CDH18: variants seen among roughly 807,000 people sequenced by gnomAD.
The protein encoded by CDH18 is cadherin 18.
A neutral mutation model predicts 67.9 loss-of-function variants in CDH18; 31 were observed. The observed-to-expected ratio is 0.46, with a 90% CI of 0.34 to 0.62. The LOEUF is 0.62. CDH18 is among the 20% of genes least tolerant of loss of function. CDH18 has a pLI of 0.01. For synonymous variants in CDH18, 362 were observed against 347.2 expected (o/e 1.04, Z -0.48); for missense variants, 890 against 975.5 (o/e 0.91, Z 1.17).
intron 2 of CDH18, among the ~76,000 whole-genome samples, chr5:20,185,847 C>T (rs1259935760): frequency 7.2e-6 from 1 of 139,162 alleles, no homozygotes; most frequent in Non-Finnish European, 1.5e-5. Flanking sequence ...AAGTCCCATG[C>T]TAGTACTAAA....
intron 4 of CDH18, among the ~76,000 whole-genome samples, chr5:19,726,260 G>T (rs1299481709): frequency 6.6e-6 from 1 of 152,140 alleles, no homozygotes; most frequent in Non-Finnish European, 1.5e-5. Flanking sequence ...AGTAACAAAG[G>T]AAACTTAGTA....
At chr5:20,350,773 G>T (rs938458159) in intron 1 of CDH18, among the ~76,000 whole-genome samples, 6 of 152,110 alleles carry the variant, frequency 3.9e-5, no homozygotes, top group African/African-American at 1.2e-4. Flanking sequence ...TTAGAATTTG[G>T]AGAATAAAAG....
chr5:20,286,525 C>G (rs1240811627), intron 1 of CDH18, among the ~76,000 whole-genome samples: 1 of 151,324 alleles, frequency 6.6e-6, no homozygotes, highest in Non-Finnish European at 1.5e-5. Flanking sequence ...AAATATAGAC[C>G]TTGGTACTTG....
intron 1 of CDH18, among the ~76,000 whole-genome samples, chr5:20,512,312 T>G (rs1275459973): frequency 6.6e-6 from 1 of 152,202 alleles, no homozygotes; most frequent in Non-Finnish European, 1.5e-5. Flanking sequence ...TTGCTTATAA[T>G]TTTTCATGGT....
chr5:20,012,124 G>A (rs1239169684), intron 2 of CDH18, among the ~76,000 whole-genome samples: 1 of 151,236 alleles, frequency 6.6e-6, no homozygotes, highest in Non-Finnish European at 1.5e-5. Flanking sequence ...ACTCATTATT[G>A]GTCTGTTCCA....
At chr5:19,657,399 A>T (rs1249270680) in intron 5 of CDH18, among the ~76,000 whole-genome samples, 1 of 152,154 alleles carries the variant, frequency 6.6e-6, no homozygotes, top group Non-Finnish European at 1.5e-5. Context: ...CACAATCCAA[A>T]TTCGGTAGAA....
At chr5:20,417,698 C>G (rs1237456418) in intron 1 of CDH18, among the ~76,000 whole-genome samples, 1 of 152,148 alleles carries the variant, frequency 6.6e-6, no homozygotes, top group Admixed American at 6.5e-5. Flanking sequence ...GCTTCCTTTA[C>G]TCTTCCAAAA....
chr5:19,719,956 A>AGAAAGAAG (rs1765860214), intron 5 of CDH18, among the ~76,000 whole-genome samples: 1 of 147,004 alleles, frequency 6.8e-6, no homozygotes, highest in South Asian at 2.2e-4. Context: ...AAAGAAAGAA[A>AGAAAGAAG]GAAGGAAAGA....
At chr5:20,039,828 A>G (rs1209869766) in intron 2 of CDH18, among the ~76,000 whole-genome samples, 1 of 152,186 alleles carries the variant, frequency 6.6e-6, no homozygotes, top group Non-Finnish European at 1.5e-5. Context: ...AATGGCAACA[A>G]AAGCCAAAAT....
chr5:19,676,219 C>T (rs1325619052), intron 5 of CDH18, among the ~76,000 whole-genome samples: 1 of 152,010 alleles, frequency 6.6e-6, no homozygotes, highest in African/African-American at 2.4e-5. Context: ...AAATCTACGA[C>T]TCATTGGCAT....
intron 1 of CDH18, among the ~76,000 whole-genome samples, chr5:20,519,689 T>A (rs753908182): frequency 4.7e-5 from 7 of 149,454 alleles, no homozygotes; most frequent in Non-Finnish European, 8.9e-5. Context: ...TTTGTGAGAT[T>A]GTTTGCGGTT....
intron 1 of CDH18, among the ~76,000 whole-genome samples, chr5:19,986,726 C>G (rs933878727): frequency 6.6e-6 from 1 of 152,200 alleles, no homozygotes; most frequent in Non-Finnish European, 1.5e-5. Flanking sequence ...CACAATGGAA[C>G]TCATTATCTA....
chr5:19,750,874 G>T (rs781028119), intron 3 of CDH18, among the ~76,000 whole-genome samples: 28 of 151,484 alleles, frequency 1.8e-4, no homozygotes, highest in Non-Finnish European at 3.5e-4. Context: ...TGCAAAGCAG[G>T]CTGTATTTTC....
At chr5:19,956,098 T>A (rs928471323) in intron 2 of CDH18, among the ~76,000 whole-genome samples, 2 of 152,006 alleles carry the variant, frequency 1.3e-5, no homozygotes, top group Admixed American at 1.3e-4. Flanking sequence ...TTTACATTAC[T>A]CTGGCATAAT....
At chr5:19,564,456 A>T (rs1740009020) in intron 8 of CDH18, among the ~76,000 whole-genome samples, 1 of 152,036 alleles carries the variant, frequency 6.6e-6, no homozygotes, top group Admixed American at 6.6e-5. Flanking sequence ...ATTTTTAGAT[A>T]CACCTGGGCC....
chr5:20,419,496 G>C (rs71610661), intron 1 of CDH18, among the ~76,000 whole-genome samples: 12 of 73,038 alleles, frequency 1.6e-4, no homozygotes, highest in Non-Finnish European at 3.1e-4. Context: ...TTTTTTTTGA[G>C]ATGGAGTCTC....
chr5:19,687,301 C>T (rs952932311), intron 5 of CDH18, among the ~76,000 whole-genome samples: 1 of 152,162 alleles, frequency 6.6e-6, no homozygotes, highest in Admixed American at 6.5e-5. Context: ...TTTTGAAAGA[C>T]CAGCCTCCAT....
chr5:20,253,356 T>C (rs527387910), intron 2 of CDH18, among the ~76,000 whole-genome samples: 1 of 152,248 alleles, frequency 6.6e-6, no homozygotes, highest in Non-Finnish European at 1.5e-5. Flanking sequence ...TGAGAGTGTC[T>C]GCTTATCTCT....
At chr5:19,775,542 T>TG (rs201998927) in intron 3 of CDH18, among the ~76,000 whole-genome samples, 3,856 of 151,680 alleles carry the variant, frequency 0.025, 110 homozygotes, top group African/African-American at 0.076. Flanking sequence ...AGAAAGACAG[T>TG]GGGGGGGAGA....
Sources: gnomAD v4.1 joint callset for allele counts (sites outside exome capture counted in the v4.1 genomes callset) on GRCh38, gnomAD v4.1.1 for gene constraint, MANE v1.5 for transcripts, NCBI Gene and HGNC (gene_info 2026-07-23, HGNC 2026-07-21) for gene names.